Variants in TMEM163 observed in about 807,000 individuals in gnomAD.
TMEM163 encodes transmembrane protein 163.
Under a neutral mutation model 29.3 loss-of-function variants are expected in TMEM163, and 17 were observed. That is an observed-to-expected ratio of 0.58 (90% CI 0.40 to 0.87). TMEM163 has a LOEUF of 0.87. TMEM163 is among the 40% of genes least tolerant of loss of function. The pLI is 0.00. For missense variants in TMEM163, 303 were observed against 381.5 expected, an observed-to-expected ratio of 0.79 and a Z score of 1.71; for synonymous variants, 157 against 160.6, an observed-to-expected ratio of 0.98 and a Z score of 0.17.
At chr2:134,494,763 A>C (rs1444061184) in intron 5 of TMEM163, among the ~76,000 whole-genome samples, 2 of 152,188 alleles carry the variant, frequency 1.3e-5, no homozygotes, top group African/African-American at 4.8e-5. Context: ...AGGCAGAGAG[A>C]GATTAAACAG....
At position 134,561,513 on chromosome 2, in the gene TMEM163, A is replaced by AT. The variant is rs568866915; in HGVS notation, c.323-9423dup. Among the ~76,000 whole-genome samples, 43 of 150,024 alleles carry AT rather than the reference A, an allele frequency of 2.9e-4. No homozygotes were observed. The East Asian group carries it at 4.7e-3, about 17-fold the overall frequency. ...AGGCACCCACCACCACGCCCGGCTA[A>AT]TTTTTTTTGTATTTTTTAGTGGAGA... On this transcript the variant is annotated intron_variant, in intron 2 of 7. Transcript: ENST00000281924.
chr2:134,596,720 C>A (rs1682092708), intron 2 of TMEM163, among the ~76,000 whole-genome samples: 1 of 151,870 alleles, frequency 6.6e-6, no homozygotes, highest in South Asian at 2.1e-4. Flanking sequence ...GCCATTTTCA[C>A]AATATTGATT....
chr2:134,688,301 C>T (rs1389411014), intron 2 of TMEM163, among the ~76,000 whole-genome samples: 2 of 152,100 alleles, frequency 1.3e-5, no homozygotes, highest in Non-Finnish European at 2.9e-5. Context: ...CACCAAGACA[C>T]AAATGGTGGG....
chr2:134,712,863 C>A (rs1402324537), intron 2 of TMEM163, among the ~76,000 whole-genome samples: 1 of 152,080 alleles, frequency 6.6e-6, no homozygotes, highest in Non-Finnish European at 1.5e-5. Context: ...AAATAAGAAT[C>A]TTAAGGATAT....
At chr2:134,695,373 G>A (rs537691101) in intron 2 of TMEM163, among the ~76,000 whole-genome samples, 7 of 151,708 alleles carry the variant, frequency 4.6e-5, no homozygotes, top group South Asian at 2.1e-4. Flanking sequence ...CACCGTGCCC[G>A]GGCAAATTTT....
intron 2 of TMEM163, among the ~76,000 whole-genome samples, chr2:134,563,062 C>G (rs1408402224): frequency 6.6e-6 from 1 of 152,222 alleles, no homozygotes; most frequent in Non-Finnish European, 1.5e-5. Context: ...TGGAGCTGAG[C>G]TCCAGCATCC....
chr2:134,639,208 G>A (rs1451437152), intron 2 of TMEM163, among the ~76,000 whole-genome samples: 1 of 152,238 alleles, frequency 6.6e-6, no homozygotes, highest in African/African-American at 2.4e-5. Flanking sequence ...GGGAGTGAAG[G>A]AGAGCAGTAA....
At chr2:134,526,747 T>G (rs1680307491) in intron 4 of TMEM163, among the ~76,000 whole-genome samples, 1 of 152,136 alleles carries the variant, frequency 6.6e-6, no homozygotes, top group African/African-American at 2.4e-5. Context: ...GGCTGACAGG[T>G]CCTCTTACAG....
chr2:134,461,723 C>T (rs536226384), intron 6 of TMEM163, among the ~76,000 whole-genome samples: 2 of 152,332 alleles, frequency 1.3e-5, no homozygotes, highest in East Asian at 3.9e-4. Flanking sequence ...ATCTGCCTCC[C>T]AGCTGTAAGG....
chr2:134,663,424 A>G (rs1335202487), intron 2 of TMEM163, among the ~76,000 whole-genome samples: 2 of 152,248 alleles, frequency 1.3e-5, no homozygotes, highest in Admixed American at 1.3e-4. Context: ...CTTCCAAAAA[A>G]AATCAAAGAT....
intron 2 of TMEM163, among the ~76,000 whole-genome samples, chr2:134,645,216 A>C (rs1189578970): frequency 6.6e-6 from 1 of 152,250 alleles, no homozygotes; most frequent in Non-Finnish European, 1.5e-5. Flanking sequence ...AATTTCTTAT[A>C]AATTTAAACA....
intron 2 of TMEM163, among the ~76,000 whole-genome samples, chr2:134,639,707 C>T (rs1683185607): frequency 6.6e-6 from 1 of 152,156 alleles, no homozygotes; most frequent in Non-Finnish European, 1.5e-5. Context: ...CAGAAACAAG[C>T]AACAACACAA....
chr2:134,557,559 A>G (rs57281236), intron 2 of TMEM163, among the ~76,000 whole-genome samples: 10,613 of 152,170 alleles, frequency 0.07, 1,030 homozygotes, highest in African/African-American at 0.21. Context: ...AGGACAACTC[A>G]AGGTGGGGAG....
At chr2:134,490,804 C>A (rs1292810593) in intron 5 of TMEM163, among the ~76,000 whole-genome samples, 1 of 152,082 alleles carries the variant, frequency 6.6e-6, no homozygotes, top group Non-Finnish European at 1.5e-5. Context: ...CTCACAGACG[C>A]CGCTTTGCTG....
intron 2 of TMEM163, among the ~76,000 whole-genome samples, chr2:134,687,199 TAAA>T (rs1241539546): frequency 6.6e-6 from 1 of 151,766 alleles, no homozygotes; most frequent in Non-Finnish European, 1.5e-5. Flanking sequence ...AGGAAGAGAG[TAAA>T]AATCTCCACT....
In TMEM163 at chr2:134,466,087, G is replaced by C. The variant is rs757790555; in HGVS notation, c.667+27C>G. 8.3e-6 allele frequency: 13 copies of C among 1,560,556 alleles called. 1 individual carries two copies. The South Asian group carries it at 1.3e-4, about 15-fold the overall frequency. On this transcript the variant is annotated intron_variant, in intron 6 of 7. Transcript: ENST00000281924. ...TCCTCCACTGTGAGCCCAGCCCCCAGAGATTAGGCACCCTGGCCTTACTCA... is the reference window on the plus strand; with the variant it reads ...TCCTCCACTGTGAGCCCAGCCCCCACAGATTAGGCACCCTGGCCTTACTCA...
chr2:134,591,100 C>A (rs1210993036), intron 2 of TMEM163, among the ~76,000 whole-genome samples: 1 of 152,184 alleles, frequency 6.6e-6, no homozygotes, highest in Non-Finnish European at 1.5e-5. Flanking sequence ...AAATCTGTGC[C>A]TTATGCAAAT....
At chr2:134,494,722 C>T (rs1270338560) in intron 5 of TMEM163, among the ~76,000 whole-genome samples, 1 of 152,198 alleles carries the variant, frequency 6.6e-6, no homozygotes, top group Non-Finnish European at 1.5e-5. Flanking sequence ...AAAGAAATTA[C>T]CATTATTATT....
At chr2:134,715,592 A>C (rs1465841281) in intron 1 of TMEM163, among the ~76,000 whole-genome samples, 3 of 152,106 alleles carry the variant, frequency 2.0e-5, no homozygotes, top group Admixed American at 6.5e-5. Context: ...AGAATGGAAA[A>C]CTTTGCACTC....
Sources: allele counts gnomAD v4.1 joint callset (sites outside exome capture counted in the v4.1 genomes callset), GRCh38; gene constraint gnomAD v4.1.1; transcripts MANE v1.5; gene names NCBI Gene and HGNC (gene_info 2026-07-23, HGNC 2026-07-21).